CABP1: variants seen among roughly 807,000 people sequenced by gnomAD.
CABP1 encodes calcium binding protein 1, also known as calcium-binding protein 1.
In CABP1, 17 loss-of-function variants were observed where a neutral mutation model predicts 34.3. The observed-to-expected ratio is 0.50, with a 90% CI of 0.34 to 0.74. The LOEUF is 0.74. CABP1 is among the 30% of genes least tolerant of loss of function. The pLI is 0.01. For missense variants in CABP1, 373 were observed against 511.1 expected, an observed-to-expected ratio of 0.73 and a Z score of 2.61; for synonymous variants, 198 against 229.2, an observed-to-expected ratio of 0.86 and a Z score of 1.23.
the CABP1 span, among the ~76,000 whole-genome samples, chr12:120,679,073 C>CA: frequency 0.43 from 37,343 of 86,764 alleles, 8,169 homozygotes; most frequent in African/African-American, 0.6. Flanking sequence ...ACACCATCTC[C>CA]AAAAAAAAAA....
chr12:120,659,542 A>T, intron 1 of CABP1: 1 of 247,266 alleles, frequency 4.0e-6, no homozygotes, highest in South Asian at 1.3e-4. Flanking sequence ...AGGGTGACAG[A>T]GTGCAATGGC....
chr12:120,665,744 C>T (rs1012270366), intron 5 of CABP1, among the ~76,000 whole-genome samples: 3 of 151,694 alleles, frequency 2.0e-5, no homozygotes, highest in Non-Finnish European at 2.9e-5. Context: ...GAGAGAGGCC[C>T]GGCGCGGTGG....
At chr12:120,678,856 T>C in the CABP1 span, among the ~76,000 whole-genome samples, 2 of 151,942 alleles carry the variant, frequency 1.3e-5, no homozygotes, top group African/African-American at 4.8e-5. Flanking sequence ...GGCAGATCAC[T>C]TGAGGTCAGG....
In CABP1 at chr12:120,661,311, GC is replaced by G. The variant is rs1880615101; in HGVS notation, c.1087+96del. 15 of 1,464,778 alleles carry G rather than the reference GC, an allele frequency of 1.0e-5. No individual in the cohort carries two copies. Among genetic ancestry groups the G allele is most frequent in the Admixed American group, 2.1e-5 (1 of 47,302 alleles). The allele number at this position is 1,464,778 out of a possible 1,614,324, so 90.7% of individuals were successfully genotyped here. On this transcript the variant is annotated intron_variant, in intron 5 of 5. Transcript: ENST00000316803. This position sits in a 1 kb window ranked among gnomAD's most constrained non-coding sequence, Gnocchi z 5.1. ...GTATCCATCATGCAACCATCAATCCGCCCTAATTTTCCAACCCCCAGCCCTT... is the reference window on the plus strand; with the variant it reads ...GTATCCATCATGCAACCATCAATCCGCCTAATTTTCCAACCCCCAGCCCTT...
intron 1 of CABP1, chr12:120,650,602 A>G (rs1879782534): frequency 2.5e-6 from 4 of 1,613,464 alleles, no homozygotes; most frequent in Non-Finnish European, 3.4e-6. Context: ...TCCTTCATGG[A>G]CCCGGGGATC....
chr12:120,644,307 T>C (rs1879457889), intron 1 of CABP1, among the ~76,000 whole-genome samples: 1 of 152,190 alleles, frequency 6.6e-6, no homozygotes, highest in African/African-American at 2.4e-5. Context: ...TTAATGTTAT[T>C]GCTATTATTA....
chr12:120,661,029 G>A lies in CABP1; in HGVS notation c.940-42G>A, dbSNP rs371724756. ...ACTTTGGGATCTGCTGCTGCCAATC[G>A]CCATGCTGGGGCGACCTCTCCTTCC... On this transcript the variant is annotated intron_variant, in intron 4 of 5. Transcript: ENST00000316803. This position sits in a 1 kb window ranked among gnomAD's most constrained non-coding sequence, Gnocchi z 5.1. The A allele has an allele frequency of 1.2e-5, 19 of 1,596,514 alleles. No individual in the cohort carries two copies. The highest frequency in any genetic ancestry group is 4.5e-5 in the East Asian group (2 of 44,720).
chr12:120,672,029 T>C (rs11065200), downstream of CABP1, among the ~76,000 whole-genome samples: 77,368 of 151,936 alleles, frequency 0.51, 22,210 homozygotes, highest in African/African-American at 0.78. Context: ...GATCACGCCA[T>C]TGTATTCCAG....
Position 120,649,991 on chromosome 12 carries a change from A to ATGTGTG in CABP1, c.654+8660_654+8665dup, listed in dbSNP as rs141834350. On this transcript the variant is annotated intron_variant, in intron 1 of 5. Transcript: ENST00000316803. ...TCCCTGAGCGCTTGTGTGTGCATGC[A>ATGTGTG]TGTGTGTGTGTGTTTGTGCGCGCGT... The ATGTGTG allele has an allele frequency of 4.7e-5, 7 of 149,216 alleles. 1 individual carries two copies. The highest frequency in any genetic ancestry group is 1.7e-4 in the African/African-American group (7 of 40,438). The allele number at this position is 149,216 out of a possible 1,614,324, so 9.2% of individuals were successfully genotyped here.
In CABP1 at chr12:120,666,062, G is replaced by A. The variant is rs1443284099; in HGVS notation, c.1088-813G>A. Among the ~76,000 whole-genome samples the A allele has an allele frequency of 4.6e-5, 7 of 151,182 alleles. No individual in the cohort carries two copies. The South Asian group carries it at 6.3e-4, about 14-fold the overall frequency. ...GAGAGAGAGAGAAGGGGCTGGGCAC[G>A]GTGGCCACACCTGTAATCCCAGCAC... On this transcript the variant is annotated intron_variant, in intron 5 of 5. Transcript: ENST00000316803.
chr12:120,666,473 CAAAA>C (rs55848637), intron 5 of CABP1, among the ~76,000 whole-genome samples: 11,658 of 80,980 alleles, frequency 0.14, 489 homozygotes, highest in South Asian at 0.21. Context: ...GACTCCATCT[CAAAA>C]AAAAAAAAAA....
At chr12:120,656,076 C>T (rs1880184801) in intron 1 of CABP1, 1 of 1,613,980 alleles carries the variant, frequency 6.2e-7, no homozygotes, top group African/African-American at 1.3e-5. Context: ...TTTGCATTTG[C>T]TTGGTGCTGG....
At chr12:120,664,001 A>C (rs1880812389) in intron 5 of CABP1, among the ~76,000 whole-genome samples, 1 of 152,252 alleles carries the variant, frequency 6.6e-6, no homozygotes, top group Non-Finnish European at 1.5e-5. Context: ...GTTTTCTCTC[A>C]GGAGCAGTTG....
At chr12:120,653,169 C>T (rs1304335007) in intron 1 of CABP1, among the ~76,000 whole-genome samples, 2 of 152,218 alleles carry the variant, frequency 1.3e-5, no homozygotes, top group African/African-American at 4.8e-5. Context: ...ACTTCCTCTG[C>T]AGCCAGAAGT....
At chr12:120,642,302 G>T (rs186045600) in intron 1 of CABP1, among the ~76,000 whole-genome samples, 5 of 152,090 alleles carry the variant, frequency 3.3e-5, no homozygotes, top group Admixed American at 1.3e-4. Flanking sequence ...AGGGAAACAG[G>T]GGGGGCTGTG....
chr12:120,658,525 T>C (rs537991029), intron 1 of CABP1, among the ~76,000 whole-genome samples: 1 of 152,214 alleles, frequency 6.6e-6, no homozygotes, highest in East Asian at 1.9e-4. Context: ...TCACACACAC[T>C]CTCAACGCTG....
chr12:120,661,328 C>A lies in CABP1; in HGVS notation c.1087+110C>A. ...ATCAATCCGCCCTAATTTTCCAACCCCCAGCCCTTTCATCCTCTTATCCCT... is the reference window on the plus strand; with the variant it reads ...ATCAATCCGCCCTAATTTTCCAACCACCAGCCCTTTCATCCTCTTATCCCT... On this transcript the variant is annotated intron_variant, in intron 5 of 5. Transcript: ENST00000316803. This position sits in a 1 kb window ranked among gnomAD's most constrained non-coding sequence, Gnocchi z 5.1. 1.5e-6 allele frequency: 2 copies of A among 1,314,846 alleles called. No homozygotes were observed. The highest frequency in any genetic ancestry group is 4.8e-5 in the East Asian group (2 of 41,906). 81.4% of individuals were successfully genotyped at this position (1,314,846 alleles called of 1,614,324 possible).
intron 1 of CABP1, among the ~76,000 whole-genome samples, chr12:120,647,088 G>T (rs1319068991): frequency 6.6e-6 from 1 of 152,206 alleles, no homozygotes; most frequent in African/African-American, 2.4e-5. Context: ...CGACAAGTGG[G>T]TGCTATGCCC....
intron 1 of CABP1, among the ~76,000 whole-genome samples, chr12:120,655,116 T>C (rs947763687): frequency 4.6e-5 from 7 of 152,168 alleles, no homozygotes; most frequent in African/African-American, 1.4e-4. Context: ...AGTTAAGTAG[T>C]GCTACCTCTT....
Sources: allele counts gnomAD v4.1 joint callset (sites outside exome capture counted in the v4.1 genomes callset), GRCh38; gene constraint gnomAD v4.1.1; non-coding constraint Gnocchi (gnomAD v3.1); transcripts MANE v1.5; gene names NCBI Gene and HGNC (gene_info 2026-07-23, HGNC 2026-07-21).